Variants in ERCC6L2 observed in about 807,000 individuals in gnomAD.
The protein encoded by ERCC6L2 is ERCC excision repair 6 like 2.
A neutral mutation model predicts 132.0 loss-of-function variants in ERCC6L2; 77 were observed. The ratio of observed to expected loss-of-function variants is 0.58; its 90% confidence interval spans 0.49 to 0.71. The LOEUF (loss-of-function observed/expected upper bound fraction) is 0.71. Ranked by LOEUF, ERCC6L2 falls within the 30% of genes least tolerant of loss-of-function variation. The pLI is 0.00. For missense variants in ERCC6L2, 1,542 were observed against 1,837.6 expected (o/e 0.84, Z 2.94); for synonymous variants, 583 against 632.4 (o/e 0.92, Z 1.17).
intron 4 of ERCC6L2, among the ~76,000 whole-genome samples, chr9:95,914,527 T>C (rs1829489087): frequency 6.6e-6 from 1 of 152,112 alleles, no homozygotes; most frequent in African/African-American, 2.4e-5. Flanking sequence ...CTAATTTTTG[T>C]ATTTTTAGTA....
rs1346792877 is a variant in ERCC6L2 at position 95,928,721 on chromosome 9, G to A, written c.1608G>A (p.Leu536=). The A allele has an allele frequency of 5.0e-6, 8 of 1,597,112 alleles. No individual in the cohort carries two copies. Among genetic ancestry groups the A allele is most frequent in the Admixed American group, 3.6e-5 (2 of 55,918 alleles). Reference sequence around the variant, plus strand: ...CCATCTTCATACCTCTCGTCTAGTTGCTTGACGTGCTACAGCAGTACTGTA... The same window carrying A: ...CCATCTTCATACCTCTCGTCTAGTTACTTGACGTGCTACAGCAGTACTGTA... ...KVLLFSFSTK[L]LDVLQQYCMA... is the part of the protein sequence containing the mutation. Residue 536 remains leucine (L), a splice_region_variant and synonymous_variant, in exon 11 of 19, where the codon TTG becomes TTA. Transcript: ENST00000653738.
Position 96,017,377 on chromosome 9 carries a change from A to T in ERCC6L2, c.*4174A>T, listed in dbSNP as rs1473642824. On this transcript the variant is annotated 3_prime_UTR_variant, in exon 19 of 19. Coordinates refer to ENST00000653738, the MANE Select transcript of ERCC6L2 (RefSeq NM_020207.7). The stretch of plus-strand genomic sequence containing the variant: ...TAGGAAAACAGTGCATCTGATAGTT[A>T]CTCTCTGCCCCTAGGAGGAAAGACA... 4.0e-5 allele frequency among the ~76,000 whole-genome samples: 6 copies of T among 151,640 alleles called. No homozygotes were observed. In the East Asian group the frequency reaches 1.2e-3, roughly 29 times the overall value.
intron 2 of ERCC6L2, among the ~76,000 whole-genome samples, chr9:95,889,489 G>T (rs1564196277): frequency 6.6e-6 from 1 of 152,040 alleles, no homozygotes. Context: ...GTGTGCATGT[G>T]TGTATCTTTA....
intron 19 of ERCC6L2, among the ~76,000 whole-genome samples, chr9:96,028,164 G>T (rs949437438): frequency 6.6e-6 from 1 of 151,784 alleles, no homozygotes; most frequent in Non-Finnish European, 1.5e-5. Flanking sequence ...TGTTTTCAGA[G>T]TTTCCTATTT....
Position 95,922,548 on chromosome 9 carries a change from G to A in ERCC6L2, c.1413+130G>A, listed in dbSNP as rs1829920370. The A allele has an allele frequency of 6.5e-6, 4 of 619,802 alleles. No homozygotes were observed. The Admixed American group carries it at 1.3e-4, about 20-fold the overall frequency. 38.4% of individuals were successfully genotyped at this position (619,802 alleles called of 1,614,324 possible). On this transcript the variant is annotated intron_variant, in intron 8 of 18. Coordinates refer to ENST00000653738, the MANE Select transcript of ERCC6L2 (RefSeq NM_020207.7). ...GAAACTGATTTGCTTATTTTTAAAT[G>A]TAGATATCAAGGAGTATGTGCACTT...
rs1043811468 is a variant in ERCC6L2 at position 95,972,626 on chromosome 9, A to G, written c.2875A>G (p.Lys959Glu). Residue 959 changes from lysine (K) to glutamate (E), a missense_variant, in exon 16 of 19, where the codon AAG becomes GAG. Coordinates refer to ENST00000653738, the MANE Select transcript of ERCC6L2 (RefSeq NM_020207.7). ...DDKRNGIISK[K>E]LSPENTTLKS... ...CAAAAGAAATGGAATAATTTCAAAA[A>G]AGTTAAGTCCTGAGAACACAACCCT... The G allele has an allele frequency of 1.0e-5, 13 of 1,291,328 alleles. No individual in the cohort carries two copies. The highest frequency in any genetic ancestry group is 7.4e-5 in the South Asian group (6 of 80,852). The allele number at this position is 1,291,328 out of a possible 1,614,324, so 80.0% of individuals were successfully genotyped here.
intron 16 of ERCC6L2, among the ~76,000 whole-genome samples, chr9:95,973,459 G>A (rs1832521757): frequency 6.6e-6 from 1 of 152,124 alleles, no homozygotes; most frequent in African/African-American, 2.4e-5. Flanking sequence ...ACTTGAGACT[G>A]AAGAAAAAGG....
rs375035940 is a variant in ERCC6L2 at position 95,943,733 on chromosome 9, C to A, written c.1847+2184C>A. On this transcript the variant is annotated intron_variant, in intron 12 of 18. Coordinates refer to ENST00000653738, the MANE Select transcript of ERCC6L2 (RefSeq NM_020207.7). ...GAAGGTATACAAGATATATAAGTGG[C>A]CATTAAGCACATGAAGAGATGCTCA... is the stretch of plus-strand genomic sequence containing the variant. 5.3e-5 allele frequency among the ~76,000 whole-genome samples: 8 copies of A among 152,044 alleles called. No individual in the cohort carries two copies. In the East Asian group the frequency reaches 5.8e-4, roughly 11 times the overall value.
intron 17 of ERCC6L2, among the ~76,000 whole-genome samples, chr9:95,982,289 A>G (rs912909023): frequency 5.3e-5 from 8 of 152,106 alleles, no homozygotes; most frequent in Admixed American, 1.3e-4. Flanking sequence ...AATACAAAAT[A>G]TTGTGTTAGT....
chr9:96,008,452 A>G (rs1376049586), intron 18 of ERCC6L2, among the ~76,000 whole-genome samples: 1 of 152,172 alleles, frequency 6.6e-6, no homozygotes, highest in African/African-American at 2.4e-5. Context: ...GTGACCTTAC[A>G]GAGATTAGGG....
intron 3 of ERCC6L2, among the ~76,000 whole-genome samples, chr9:95,904,843 A>G (rs893372068): frequency 6.6e-6 from 1 of 152,232 alleles, no homozygotes; most frequent in Admixed American, 6.5e-5. Flanking sequence ...ATTGAAAGAT[A>G]TAAATAATTC....
intron 11 of ERCC6L2, among the ~76,000 whole-genome samples, chr9:95,930,583 A>G (rs1022556563): frequency 1.3e-5 from 2 of 152,186 alleles, no homozygotes; most frequent in Admixed American, 6.5e-5. Flanking sequence ...TGATTAGGCT[A>G]CTTTCACTAC....
chr9:96,021,161 C>A (rs1373260259), downstream of ERCC6L2: 6 of 366,354 alleles, frequency 1.6e-5, no homozygotes, highest in Non-Finnish European at 2.7e-5. This position sits in a 1 kb window ranked among gnomAD's most constrained non-coding sequence, Gnocchi z 4.7. Context: ...CGGGCTGCGT[C>A]CGGGCAGAGG....
At chr9:96,033,902 G>T (rs1383230544) in intron 19 of ERCC6L2, among the ~76,000 whole-genome samples, 1 of 152,208 alleles carries the variant, frequency 6.6e-6, no homozygotes, top group East Asian at 1.9e-4. Context: ...GGGCTCAGAA[G>T]GCCAGGAAGA....
At chr9:96,021,236 G>A (rs944371142), downstream of ERCC6L2, 28 of 349,546 alleles carry the variant, frequency 8.0e-5, no homozygotes, top group Middle Eastern at 1.1e-3. The surrounding 1 kb of genome is among the most constrained non-coding windows in gnomAD (Gnocchi z 4.7). Context: ...ACTCGAGCTG[G>A]GAGCCGCCCC....
chr9:95,952,224 T>TGAAGAGGA (rs1831371160), intron 12 of ERCC6L2, among the ~76,000 whole-genome samples: 1 of 137,524 alleles, frequency 7.3e-6, no homozygotes, highest in Non-Finnish European at 1.5e-5. Flanking sequence ...TCCAAAAAAC[T>TGAAGAGGA]GAAGAGGAAG....
chr9:95,928,021 G>A, intron 9 of ERCC6L2, 58 bp from the exon 10 acceptor site: 2 of 1,107,848 alleles, frequency 1.8e-6, no homozygotes, highest in South Asian at 1.3e-5. Flanking sequence ...ATGTTTATAT[G>A]TATAAAGTGT....
chr9:95,934,247 G>A (rs1830464426), intron 11 of ERCC6L2, among the ~76,000 whole-genome samples: 1 of 152,096 alleles, frequency 6.6e-6, no homozygotes, highest in South Asian at 2.1e-4. Context: ...ATTAAATACA[G>A]GATATGTAGA....
At chr9:95,971,857 AAGTTG>A in intron 15 of ERCC6L2, 71 bp from the exon 16 acceptor site, 2 of 993,368 alleles carry the variant, frequency 2.0e-6, no homozygotes, top group Non-Finnish European at 2.6e-6. Flanking sequence ...TACCTGCCCA[AAGTTG>A]AGTACTTTTC....
Sources: gnomAD v4.1 joint callset for allele counts (sites outside exome capture counted in the v4.1 genomes callset) on GRCh38, gnomAD v4.1.1 for gene constraint, Gnocchi (gnomAD v3.1) non-coding constraint, MANE v1.5 for transcripts, NCBI Gene and HGNC (gene_info 2026-07-23, HGNC 2026-07-21) for gene names.